NPLOC4: variants seen among roughly 807,000 people sequenced by gnomAD.
NPLOC4 encodes the protein nuclear protein localization protein 4 homolog.
Under a neutral mutation model 80.6 loss-of-function variants are expected in NPLOC4, and 18 were observed. The observed-to-expected ratio is 0.22, with a 90% CI of 0.15 to 0.33. NPLOC4 has a LOEUF of 0.33. Among genes scored for constraint, NPLOC4 ranks in the 10% least tolerant of loss-of-function variants. The pLI is 1.00. For missense variants in NPLOC4, 540 were observed against 786.1 expected (o/e 0.69, Z 3.74); for synonymous variants, 313 against 301.5 (o/e 1.04, Z -0.39).
chr17:81,559,491 A>T, intron 16 of NPLOC4, 75 bp from the exon 17 acceptor site: 2 of 1,479,868 alleles, frequency 1.4e-6, no homozygotes, highest in Middle Eastern at 2.1e-4. Flanking sequence ...GCATGGGGGC[A>T]GGGGCAGGCA....
intron 1 of NPLOC4, among the ~76,000 whole-genome samples, chr17:81,631,437 T>TA (rs200897859): frequency 0.085 from 3,581 of 42,282 alleles, 142 homozygotes; most frequent in African/African-American, 0.24. Context: ...TATATATATA[T>TA]TTTTTTTTTT....
At chr17:81,617,606 G>A (rs892609047) in intron 3 of NPLOC4, among the ~76,000 whole-genome samples, 15 of 152,108 alleles carry the variant, frequency 9.9e-5, no homozygotes, top group Non-Finnish European at 1.6e-4. Context: ...TCGGGAGATC[G>A]AGACCATCCT....
Position 81,594,918 on chromosome 17 carries a change from G to C in NPLOC4, c.1120+1198C>G, listed in dbSNP as rs974407763. On this transcript the variant is annotated intron_variant, in intron 11 of 16. Coordinates refer to ENST00000331134, the MANE Select transcript of NPLOC4 (RefSeq NM_017921.4). ...GACTGCACCACTGTGCTCCAGCCTG[G>C]GTGACAGAGCAAGAACATGTCTCAA... Among the ~76,000 whole-genome samples, 136 of 151,856 alleles carry C rather than the reference G, an allele frequency of 9.0e-4. 1 individual carries two copies. Among genetic ancestry groups the C allele is most frequent in the African/African-American group, 3.2e-3 (132 of 41,460 alleles).
chr17:81,603,356 G>T (rs1376787281), intron 8 of NPLOC4, among the ~76,000 whole-genome samples: 2 of 152,136 alleles, frequency 1.3e-5, no homozygotes, highest in East Asian at 3.9e-4. Flanking sequence ...AACACTTCAG[G>T]AGGCCAAGAT....
At chr17:81,575,056 C>A (rs112109180) in intron 12 of NPLOC4, among the ~76,000 whole-genome samples, 5 of 152,212 alleles carry the variant, frequency 3.3e-5, no homozygotes, top group African/African-American at 1.2e-4. Context: ...GGATCTGAGC[C>A]GCCACAGGAT....
At chr17:81,631,467 CA>C (rs2035930476) in intron 1 of NPLOC4, among the ~76,000 whole-genome samples, 3 of 97,546 alleles carry the variant, frequency 3.1e-5, no homozygotes, top group East Asian at 3.3e-4. Flanking sequence ...TTTTTTCCCC[CA>C]CGGCAAGCCT....
In NPLOC4 at chr17:81,567,633, A is replaced by G. The variant is rs183965029; in HGVS notation, c.1450-100T>C. On this transcript the variant is annotated intron_variant, in intron 14 of 16. Transcript: ENST00000331134. The surrounding 1 kb of genome is among the most constrained non-coding windows in gnomAD (Gnocchi z 4.5). ...ACTAAGACGCAACTCAATACACTGA[A>G]TGCTGAGACACCTCTCCCTCTGCCT... The G allele has an allele frequency of 4.3e-6, 3 of 697,006 alleles. No individual in the cohort carries two copies. In the African/African-American group the frequency reaches 5.3e-5, roughly 12 times the overall value. The allele number at this position is 697,006 out of a possible 1,614,324, so 43.2% of individuals were successfully genotyped here.
chr17:81,559,684 A>C (rs2033782467), intron 16 of NPLOC4, among the ~76,000 whole-genome samples: 1 of 150,848 alleles, frequency 6.6e-6, no homozygotes, highest in African/African-American at 2.4e-5. Context: ...CTCCTTGTGA[A>C]TAACGTAACT....
In NPLOC4 at chr17:81,558,550, T is replaced by C. The variant is rs761644480; in HGVS notation, c.*709A>G. The C allele has an allele frequency of 3.9e-5, 6 of 152,074 alleles. No homozygotes were observed. Among genetic ancestry groups the C allele is most frequent in the Non-Finnish European group, 8.8e-5 (6 of 68,008 alleles). 9.4% of individuals were successfully genotyped at this position (152,074 alleles called of 1,614,324 possible). ...AAGGAGGGAAGGATGTGGAAACTAG[T>C]CTCTCTCACTCCCCTTTTGTGCAGT... is the stretch of plus-strand genomic sequence containing the variant. On this transcript the variant is annotated 3_prime_UTR_variant, in exon 17 of 17. Transcript: ENST00000331134.
At chr17:81,595,746 G>A (rs1030639503) in intron 11 of NPLOC4, among the ~76,000 whole-genome samples, 7 of 151,888 alleles carry the variant, frequency 4.6e-5, no homozygotes, top group Non-Finnish European at 7.4e-5. Context: ...GTTTCGCTAT[G>A]TTGGCCAGGC....
At position 81,575,248 on chromosome 17, in the gene NPLOC4, C is replaced by T. The variant is rs537868399; in HGVS notation, c.1282-3160G>A. ...CCGAGTAGCTGGGACTACAGGTGCC[C>T]GCCACCACGCCCGGCTAATTTTTTT... On this transcript the variant is annotated intron_variant, in intron 12 of 16. Coordinates refer to ENST00000331134, the MANE Select transcript of NPLOC4 (RefSeq NM_017921.4). 2.1e-3 allele frequency among the ~76,000 whole-genome samples: 321 copies of T among 152,218 alleles called. 3 individuals carry two copies. Among genetic ancestry groups the T allele is most frequent in the African/African-American group, 7.2e-3 (301 of 41,530 alleles).
chr17:81,589,207 A>T (rs1257532664), intron 11 of NPLOC4, 103 bp from the exon 12 acceptor site: 2 of 1,045,180 alleles, frequency 1.9e-6, no homozygotes, highest in Non-Finnish European at 2.7e-6. Context: ...ACAAACCCTC[A>T]AGAGTTTGTC....
chr17:81,565,421 C>A (rs1382902357), intron 16 of NPLOC4, 84 bp downstream of exon 16: 1 of 1,190,160 alleles, frequency 8.4e-7, no homozygotes, highest in Admixed American at 2.0e-5. Context: ...ATCCAGGGCA[C>A]CACCGGCAGT....
Position 81,613,465 on chromosome 17 carries a change from G to C in NPLOC4, c.239C>G (p.Ser80Trp), listed in dbSNP as rs1157166475. 6.2e-7 allele frequency: 1 copy of C among 1,613,848 alleles called. No homozygotes were observed. Among genetic ancestry groups the C allele is most frequent in the Admixed American group, 1.7e-5 (1 of 59,966 alleles). Residue 80 changes from serine to tryptophan, a missense_variant, in exon 4 of 17, where the codon TCG (serine) becomes TGG (tryptophan). By Grantham distance (177) the Ser-to-Trp change is radical. Coordinates refer to ENST00000331134, the MANE Select transcript of NPLOC4 (RefSeq NM_017921.4). The part of the protein sequence containing the change: ...KHGDLLFLFP[S>W]SLAGPSSEME... Reference sequence around the variant, plus strand: ...TTCAGATGAGGGCCCAGCAAGGCTCGAGGGAAACAGGAACAACAAATCGCC... The same window carrying C: ...TTCAGATGAGGGCCCAGCAAGGCTCCAGGGAAACAGGAACAACAAATCGCC...
In NPLOC4 at chr17:81,558,904, C is replaced by CTG. The variant is rs374971081; in HGVS notation, c.*353_*354dup. ...AAAAGCACTGAAAATAAAGAGAAGGCTGGGTGGTGGCAGCATCGGCCCCTC... is the reference window on the plus strand; with the variant it reads ...AAAAGCACTGAAAATAAAGAGAAGGCTGTGGGTGGTGGCAGCATCGGCCCCTC... On this transcript the variant is annotated 3_prime_UTR_variant, in exon 17 of 17. Transcript: ENST00000331134. 3.1e-4 allele frequency: 59 copies of CTG among 189,616 alleles called. No individual in the cohort carries two copies. The highest frequency in any genetic ancestry group is 9.8e-4 in the Admixed American group (16 of 16,380). 11.7% of individuals were successfully genotyped at this position (189,616 alleles called of 1,614,324 possible).
chr17:81,583,081 T>C (rs1017357801), intron 12 of NPLOC4, among the ~76,000 whole-genome samples: 4 of 152,276 alleles, frequency 2.6e-5, no homozygotes, highest in East Asian at 1.9e-4. Flanking sequence ...TGTGCATTCA[T>C]GGCTGGAAAG....
chr17:81,573,513 A>AC (rs1309097938), intron 12 of NPLOC4: 2 of 152,190 alleles, frequency 1.3e-5, no homozygotes, highest in African/African-American at 4.8e-5. Flanking sequence ...GTGGTGAGTT[A>AC]CCTCAGATGA....
chr17:81,582,406 A>C (rs1236967102), intron 12 of NPLOC4, among the ~76,000 whole-genome samples: 1 of 152,102 alleles, frequency 6.6e-6, no homozygotes, highest in Non-Finnish European at 1.5e-5. Context: ...GTGTGTATGT[A>C]TGTCTGCATG....
intron 1 of NPLOC4, among the ~76,000 whole-genome samples, chr17:81,635,277 T>G (rs2036035760): frequency 6.7e-6 from 1 of 148,596 alleles, no homozygotes; most frequent in Non-Finnish European, 1.5e-5. Context: ...AGGCGGAGGT[T>G]GCAGTAAGCA....
Sources: allele counts gnomAD v4.1 joint callset (sites outside exome capture counted in the v4.1 genomes callset), GRCh38; gene constraint gnomAD v4.1.1; non-coding constraint Gnocchi (gnomAD v3.1); transcripts MANE v1.5; gene names NCBI Gene and HGNC (gene_info 2026-07-23, HGNC 2026-07-21).